The following CAMK1D variants were observed in gnomAD, a reference collection of about 807,000 sequenced individuals.
CAMK1D encodes calcium/calmodulin-dependent protein kinase type 1D.
CAMK1D carries 9 observed loss-of-function variants against 47.7 expected under a neutral mutation model. The observed-to-expected ratio is 0.19, with a 90% CI of 0.11 to 0.33. The LOEUF (loss-of-function observed/expected upper bound fraction) is 0.33, where lower values mean the gene tolerates loss of function less well. CAMK1D is among the 10% of genes least tolerant of loss of function. The probability of loss-of-function intolerance (pLI) is 1.00; values close to 1 mark genes in which losing one functional copy is unlikely to be tolerated. For missense variants in CAMK1D, 291 were observed against 488.7 expected, an observed-to-expected ratio of 0.60 and a Z score of 3.81; for synonymous variants, 184 against 184.9, an observed-to-expected ratio of 0.99 and a Z score of 0.04.
chr10:12,494,043 A>G (rs565693408), intron 1 of CAMK1D, among the ~76,000 whole-genome samples: 8 of 152,326 alleles, frequency 5.3e-5, no homozygotes, highest in African/African-American at 1.7e-4. Context: ...GACCTGGGTT[A>G]ATGTAGTGAA....
At chr10:12,707,719 TGAG>T (rs1437669650) in intron 3 of CAMK1D, among the ~76,000 whole-genome samples, 1 of 152,160 alleles carries the variant, frequency 6.6e-6, no homozygotes, top group African/African-American at 2.4e-5. Context: ...TCTTTGAGTA[TGAG>T]GAGGACAAGT....
intron 1 of CAMK1D, among the ~76,000 whole-genome samples, chr10:12,459,512 A>G (rs1833361485): frequency 6.6e-6 from 1 of 152,184 alleles, no homozygotes; most frequent in African/African-American, 2.4e-5. Flanking sequence ...TGAAAAAAAA[A>G]CCCACGCATA....
At chr10:12,828,551 G>A (rs1833339518) in intron 10 of CAMK1D, among the ~76,000 whole-genome samples, 2 of 151,918 alleles carry the variant, frequency 1.3e-5, no homozygotes, top group African/African-American at 4.8e-5. Flanking sequence ...TGAAGCACGA[G>A]AATCGCTTGA....
intron 1 of CAMK1D, among the ~76,000 whole-genome samples, chr10:12,456,790 T>G (rs939216019): frequency 1.6e-5 from 1 of 62,520 alleles, no homozygotes; most frequent in Non-Finnish European, 3.7e-5. Flanking sequence ...AAAAAAAAAA[T>G]CTCTACCTTT....
chr10:12,425,473 G>A (rs1840199879), intron 1 of CAMK1D, among the ~76,000 whole-genome samples: 1 of 151,982 alleles, frequency 6.6e-6, no homozygotes, highest in African/African-American at 2.4e-5. Flanking sequence ...GTAGAGACGG[G>A]GTTTCACCAC....
At chr10:12,375,619 A>C (rs1838153791) in intron 1 of CAMK1D, among the ~76,000 whole-genome samples, 1 of 152,134 alleles carries the variant, frequency 6.6e-6, no homozygotes, top group Non-Finnish European at 1.5e-5. Context: ...GCTGAACATA[A>C]ATGACATTTG....
chr10:12,476,645 A>C (rs925382322), intron 1 of CAMK1D, among the ~76,000 whole-genome samples: 1 of 152,176 alleles, frequency 6.6e-6, no homozygotes, highest in Non-Finnish European at 1.5e-5. Flanking sequence ...GGGGAGGGTC[A>C]TATGTTCCTG....
chr10:12,522,609 A>C (rs1280682743), intron 1 of CAMK1D, among the ~76,000 whole-genome samples: 1 of 151,984 alleles, frequency 6.6e-6, no homozygotes, highest in African/African-American at 2.4e-5. Flanking sequence ...TTCCACACAG[A>C]CACAGCAACC....
At chr10:12,738,494 T>G (rs1191154505) in intron 3 of CAMK1D, among the ~76,000 whole-genome samples, 1 of 152,220 alleles carries the variant, frequency 6.6e-6, no homozygotes, top group African/African-American at 2.4e-5. Context: ...CTGTTCATTT[T>G]TATTTATAAT....
chr10:12,802,677 C>T (rs918823531), intron 6 of CAMK1D, among the ~76,000 whole-genome samples: 29 of 152,156 alleles, frequency 1.9e-4, no homozygotes, highest in South Asian at 1.0e-3. Flanking sequence ...TGTGCCACCA[C>T]GCCTGGCCAA....
At chr10:12,607,062 G>A (rs925750993) in intron 2 of CAMK1D, among the ~76,000 whole-genome samples, 1 of 152,034 alleles carries the variant, frequency 6.6e-6, no homozygotes, top group Admixed American at 6.6e-5. Flanking sequence ...TCTTGACCTC[G>A]TGATCCACCC....
intron 3 of CAMK1D, among the ~76,000 whole-genome samples, chr10:12,707,050 G>A (rs893315366): frequency 6.6e-6 from 1 of 152,144 alleles, no homozygotes; most frequent in African/African-American, 2.4e-5. Context: ...CAACTTAACA[G>A]GCACATAAAA....
Position 12,765,593 on chromosome 10 carries a change from T to G in CAMK1D, c.439-4080T>G, listed in dbSNP as rs370573395. Among the ~76,000 whole-genome samples the G allele has an allele frequency of 7.2e-5, 11 of 152,348 alleles. No homozygotes were observed. In the South Asian group the frequency reaches 8.3e-4, roughly 11 times the overall value. On this transcript the variant is annotated intron_variant, in intron 4 of 10. Coordinates refer to ENST00000619168, the MANE Select transcript of CAMK1D (RefSeq NM_153498.4). ...GCTGAAATCTTCCACCCGCGTGATC[T>G]CATCAGATCCCTAATGCCTTTGAAG...
chr10:12,563,700 G>GAGAGAGA lies in CAMK1D; in HGVS notation c.224+10344_224+10345insAGAGAGA, dbSNP rs1564414542. On this transcript the variant is annotated intron_variant, in intron 2 of 10. Transcript: ENST00000619168. The stretch of plus-strand genomic sequence containing the variant: ...GAGAGAGAGAGAGAGAGAGAGAGAG[G>GAGAGAGA]GAGAGAGAGGGAGAGAGAGAATGAG... 4.3e-3 allele frequency among the ~76,000 whole-genome samples: 366 copies of GAGAGAGA among 85,110 alleles called. 2 individuals carry two copies. The highest frequency in any genetic ancestry group is 0.012 in the East Asian group (22 of 1,774). The allele number at this position is 85,110 out of a possible 152,430, so 55.8% of individuals were successfully genotyped here. A position where few individuals can be genotyped will look rare whatever the true frequency, so the allele number is the denominator to read the frequency against.
chr10:12,686,427 T>G (rs1447231552), intron 3 of CAMK1D, among the ~76,000 whole-genome samples: 1 of 152,128 alleles, frequency 6.6e-6, no homozygotes, highest in African/African-American at 2.4e-5. Flanking sequence ...GTTCAAGCGA[T>G]TCTCTTACCT....
At chr10:12,626,514 C>T (rs1460275321) in intron 2 of CAMK1D, among the ~76,000 whole-genome samples, 2 of 143,202 alleles carry the variant, frequency 1.4e-5, no homozygotes, top group Non-Finnish European at 3.0e-5. Flanking sequence ...CATTCTGTCT[C>T]CTAGGCTGGA....
intron 1 of CAMK1D, among the ~76,000 whole-genome samples, chr10:12,513,939 GT>G (rs1477159323): frequency 3.3e-5 from 5 of 152,156 alleles, no homozygotes; most frequent in Non-Finnish European, 5.9e-5. Flanking sequence ...ACATTCATCT[GT>G]GTTCACTTCA....
rs146386164 is a variant in CAMK1D at position 12,608,703 on chromosome 10, T to C, written c.224+55347T>C. ...AAGAACTTGTATTGAATCTGCAGAA[T>C]ATCAAGTTTTATAAAATCCCGCGTC... On this transcript the variant is annotated intron_variant, in intron 2 of 10. Coordinates refer to ENST00000619168, the MANE Select transcript of CAMK1D (RefSeq NM_153498.4). Among the ~76,000 whole-genome samples the C allele has an allele frequency of 1.2e-3, 184 of 152,386 alleles. 1 individual carries two copies. In the East Asian group the frequency reaches 0.021, roughly 18 times the overall value.
chr10:12,806,934 T>A (rs1588951710), intron 6 of CAMK1D, among the ~76,000 whole-genome samples: 1 of 152,284 alleles, frequency 6.6e-6, no homozygotes, highest in East Asian at 1.9e-4. Flanking sequence ...TCACTCAAAG[T>A]CACATCTGTT....
Sources: allele counts gnomAD v4.1 joint callset (sites outside exome capture counted in the v4.1 genomes callset), GRCh38; gene constraint gnomAD v4.1.1; transcripts MANE v1.5; gene names NCBI Gene and HGNC (gene_info 2026-07-23, HGNC 2026-07-21).